PVRIG: variants seen among roughly 807,000 people sequenced by gnomAD.
The protein encoded by PVRIG is PVR related immunoglobulin domain containing, also known as transmembrane protein PVRIG.
A neutral mutation model predicts 21.9 loss-of-function variants in PVRIG; 16 were observed. That is an observed-to-expected ratio of 0.73 (90% CI 0.50 to 1.11). The LOEUF is 1.11. Among genes scored for constraint, PVRIG ranks in the 50% most tolerant of loss-of-function variants. The pLI is 0.00. For synonymous variants in PVRIG, 190 were observed against 181.0 expected (o/e 1.05, Z -0.40); for missense variants, 435 against 445.7 (o/e 0.98, Z 0.22).
At chr7:100,220,560 G>T (rs148387469) in exon 4 of PVRIG, 1 of 1,611,488 alleles carries the variant, frequency 6.2e-7, no homozygotes, top group Non-Finnish European at 8.5e-7. Context: ...TCTCTGCCCC[G>T]CCGACTCCTG....
exon 4 of PVRIG, chr7:100,220,618 GTCC>G (rs753755346): frequency 1.9e-6 from 3 of 1,611,712 alleles, no homozygotes; most frequent in East Asian, 2.2e-5. Flanking sequence ...GGTCTCAGGA[GTCC>G]TCCTCTTTGG....
exon 4 of PVRIG, chr7:100,220,585 G>A (rs1398326839): frequency 6.2e-7 from 1 of 1,611,940 alleles, no homozygotes; most frequent in African/African-American, 1.3e-5. Context: ...CATTCTGCGG[G>A]CAGACCTGGC....
At chr7:100,219,800 T>C (rs1277516298) in exon 2 of PVRIG, 2 of 849,418 alleles carry the variant, frequency 2.4e-6, no homozygotes, top group East Asian at 5.3e-5. Context: ...AGGCCCTCAC[T>C]GTCACTTTAA....
chr7:100,219,823 C>T, exon 2 of PVRIG: 1 of 1,041,400 alleles, frequency 9.6e-7, no homozygotes, highest in Non-Finnish European at 1.4e-6. Flanking sequence ...AGGGAATCAG[C>T]CACTTTGTGC....
At chr7:100,219,832 G>A (rs528850126) in exon 2 of PVRIG, 47 of 1,153,312 alleles carry the variant, frequency 4.1e-5, no homozygotes, top group Non-Finnish European at 5.8e-5. Context: ...GCCACTTTGT[G>A]CTCACCACCT....
chr7:100,219,848 G>T (rs1803087551), exon 2 of PVRIG: 11 of 1,300,620 alleles, frequency 8.5e-6, no homozygotes, highest in African/African-American at 1.5e-5. Flanking sequence ...CACCTCTGGG[G>T]AAGGTGTGAG....
At chr7:100,220,016 T>G in exon 2 of PVRIG, 1 of 1,604,748 alleles carries the variant, frequency 6.2e-7, no homozygotes, top group South Asian at 1.1e-5. Context: ...GCTGACCTTG[T>G]GTGTCACTGC....
At chr7:100,220,810 C>A (rs1300082642) in exon 5 of PVRIG, 1 of 1,606,850 alleles carries the variant, frequency 6.2e-7, no homozygotes, top group Non-Finnish European at 8.5e-7. Flanking sequence ...GCACCGAGAG[C>A]ACGAGCATGG....
chr7:100,220,608 G>A (rs748408341), exon 4 of PVRIG: 2 of 1,611,844 alleles, frequency 1.2e-6, no homozygotes, highest in South Asian at 1.1e-5. Flanking sequence ...GGATCTTGGG[G>A]GTCTCAGGAG....
exon 3 of PVRIG, chr7:100,220,451 C>T: frequency 6.2e-7 from 1 of 1,610,412 alleles, no homozygotes; most frequent in African/African-American, 1.3e-5. Context: ...GCCTCCCGCC[C>T]AGCTCAGACC....
exon 2 of PVRIG, chr7:100,219,894 C>A (rs1216518429): frequency 6.5e-7 from 1 of 1,543,100 alleles, no homozygotes; most frequent in Non-Finnish European, 8.8e-7. Flanking sequence ...CTGCTGACAA[C>A]ATGAAGACTT....
rs7786505 is a variant in PVRIG at position 100,219,962 on chromosome 7, G to T, written c.52G>T (p.Glu18Ter). ...CCTGCAGCCCCCAGAACCTGGACTG[G>T]AGGGGGCCATGGGGCACCGGACCCT... Residue 18 changes from glutamate (E) to a stop codon, truncating the protein, a stop_gained, in exon 2 of 6, where the codon GAG becomes TAG. Transcript: ENST00000317271. LOFTEE classifies it high-confidence loss of function. 331,693 of 1,570,872 alleles carry T rather than the reference G, an allele frequency of 0.21. 36,559 individuals are homozygous for T. The highest frequency in any genetic ancestry group is 0.35 in the Middle Eastern group (1,548 of 4,444).
intron 5 of PVRIG, 29 bp from the exon 5 acceptor site, chr7:100,220,899 A>T (rs751137231): frequency 1.9e-6 from 3 of 1,585,756 alleles, no homozygotes; most frequent in Non-Finnish European, 2.6e-6. Context: ...AGCTGTGCAG[A>T]CTCACTTGAC....
intron 2 of PVRIG, 26 bp from the exon 2 acceptor site, chr7:100,220,086 GCC>G (rs1337625574): frequency 6.2e-7 from 1 of 1,603,128 alleles, no homozygotes; most frequent in Non-Finnish European, 8.5e-7. Context: ...TAGGACAACA[GCC>G]CACCGACCTT....
Position 100,220,604 on chromosome 7 carries a change from TG to T in PVRIG, c.532del (p.Val178SerfsTer146), listed in dbSNP as rs1257272656. The T allele has an allele frequency of 6.2e-7, 1 of 1,611,752 alleles. No individual in the cohort carries two copies. Among genetic ancestry groups the T allele is most frequent in the Non-Finnish European group, 8.5e-7 (1 of 1,179,946 alleles). On this transcript the variant is annotated frameshift_variant, in exon 4 of 6. Transcript: ENST00000317271. LOFTEE classifies it high-confidence loss of function. ...CTGCGGGCAGACCTGGCCGGGATCT[TG>T]GGGGTCTCAGGAGTCCTCCTCTTTG... is the stretch of plus-strand genomic sequence containing the variant.
exon 5 of PVRIG, chr7:100,220,796 C>G (rs1391027130): frequency 1.9e-6 from 3 of 1,606,306 alleles, no homozygotes; most frequent in Non-Finnish European, 2.5e-6. Context: ...GCACCAGCCC[C>G]CAGGCACCGA....
Position 100,219,947 on chromosome 7 carries a change from C to G in PVRIG, c.37C>G (p.Pro13Ala), listed in dbSNP as rs144154892. The change falls in exon 2 of 6, where the codon CCA (proline) becomes GCA (alanine). Residue 13 changes from proline to alanine, a missense_variant. Coordinates refer to ENST00000317271, the Ensembl canonical transcript of PVRIG. ...GGCACAGGTGCCGGCCCTGCAGCCC[C>G]CAGAACCTGGACTGGAGGGGGCCAT... The G allele has an allele frequency of 1.9e-3, 2,926 of 1,554,766 alleles. 4 individuals carry two copies. Among genetic ancestry groups the G allele is most frequent in the Non-Finnish European group, 2.4e-3 (2,716 of 1,149,522 alleles).
At chr7:100,219,875 G>A in exon 2 of PVRIG, 1 of 1,489,448 alleles carries the variant, frequency 6.7e-7, no homozygotes, top group Non-Finnish European at 9.2e-7. Flanking sequence ...GAAGGAAGTG[G>A]CTGTTTGGCT....
exon 3 of PVRIG, chr7:100,220,436 T>G: frequency 6.2e-7 from 1 of 1,608,330 alleles, no homozygotes; most frequent in African/African-American, 1.3e-5. Flanking sequence ...GGGAGGCCTG[T>G]GGGAGCCTCC....
Sources: gnomAD v4.1 joint callset for allele counts on GRCh38, gnomAD v4.1.1 for gene constraint, MANE v1.5 for transcripts, NCBI Gene and HGNC (gene_info 2026-07-23, HGNC 2026-07-21) for gene names.